Variants in MSTO1 observed in about 807,000 individuals in gnomAD.
MSTO1 encodes the protein protein misato homolog 1.
MSTO1 carries 24 observed loss-of-function variants against 55.7 expected under a neutral mutation model. The ratio of observed to expected loss-of-function variants is 0.43; its 90% CI spans 0.31 to 0.61. MSTO1 has a LOEUF of 0.61. MSTO1 is among the 20% of genes least tolerant of loss of function. MSTO1 has a pLI of 0.09. For missense variants in MSTO1, 363 were observed against 625.7 expected (o/e 0.58, Z 4.48); for synonymous variants, 162 against 252.8 (o/e 0.64, Z 3.41).
chr1:155,580,908 A>C, the MSTO1 span, among the ~76,000 whole-genome samples: 1 of 26,778 alleles, frequency 3.7e-5, no homozygotes, highest in South Asian at 1.3e-3. Context: ...ACTCTGTCTC[A>C]AAAAAAAAAA....
the MSTO1 span, among the ~76,000 whole-genome samples, chr1:155,604,288 C>G: frequency 0.053 from 8,097 of 152,156 alleles, 733 homozygotes; most frequent in African/African-American, 0.19. Context: ...ACTTTCTTTT[C>G]AAGCACATAA....
At chr1:155,565,389 T>G in the MSTO1 span, among the ~76,000 whole-genome samples, 1 of 152,094 alleles carries the variant, frequency 6.6e-6, no homozygotes. Context: ...ATTTGTGGAC[T>G]ACTGTGCCAG....
chr1:155,568,540 G>C, the MSTO1 span, among the ~76,000 whole-genome samples: 1 of 152,066 alleles, frequency 6.6e-6, no homozygotes, highest in African/African-American at 2.4e-5. Flanking sequence ...CCGGATTCAA[G>C]TGATTCTCCT....
At chr1:155,600,958 G>C in the MSTO1 span, among the ~76,000 whole-genome samples, 3 of 148,044 alleles carry the variant, frequency 2.0e-5, no homozygotes, top group Non-Finnish European at 4.5e-5. Context: ...TTACAGGTGT[G>C]AGCCACTGTG....
At chr1:155,603,147 T>C in the MSTO1 span, among the ~76,000 whole-genome samples, 3 of 151,926 alleles carry the variant, frequency 2.0e-5, no homozygotes, top group Admixed American at 1.3e-4. Context: ...GGCAGATCAC[T>C]TGAGGTCAGG....
At chr1:155,579,411 G>A in the MSTO1 span, among the ~76,000 whole-genome samples, 4 of 152,024 alleles carry the variant, frequency 2.6e-5, no homozygotes, top group East Asian at 1.9e-4. Flanking sequence ...ATGTTGCCTC[G>A]AACTACTGAA....
upstream of MSTO1, among the ~76,000 whole-genome samples, chr1:155,609,123 G>A (rs1184730603): frequency 1.4e-5 from 2 of 146,878 alleles, no homozygotes; most frequent in South Asian, 2.1e-4. Flanking sequence ...TACCGCACCC[G>A]GCCCTTGCCT....
the MSTO1 span, among the ~76,000 whole-genome samples, chr1:155,569,842 A>G: frequency 6.6e-6 from 1 of 152,054 alleles, no homozygotes; most frequent in African/African-American, 2.4e-5. Flanking sequence ...GAATATTTGT[A>G]TTATACCTAC....
chr1:155,590,876 C>T, the MSTO1 span: 1,702 of 1,611,468 alleles, frequency 1.1e-3, 28 homozygotes, highest in Non-Finnish European at 2.8e-4. Context: ...AGTGTCAGGA[C>T]CCCTGAGGTG....
the MSTO1 span, among the ~76,000 whole-genome samples, chr1:155,589,071 A>G: frequency 2.6e-5 from 4 of 152,094 alleles, no homozygotes; most frequent in Non-Finnish European, 4.4e-5. Flanking sequence ...GCCAAGGCGG[A>G]CAGATCACCT....
chr1:155,577,586 C>G, the MSTO1 span, among the ~76,000 whole-genome samples: 2 of 152,098 alleles, frequency 1.3e-5, no homozygotes, highest in Admixed American at 6.6e-5. Flanking sequence ...ATCAGTTGAC[C>G]ATGATGTAAG....
chr1:155,582,276 A>C, the MSTO1 span, among the ~76,000 whole-genome samples: 1 of 152,176 alleles, frequency 6.6e-6, no homozygotes, highest in Non-Finnish European at 1.5e-5. Context: ...TCTGCAGAGA[A>C]GTGTTCAAAT....
At chr1:155,563,296 T>A in the MSTO1 span, 1 of 456,026 alleles carries the variant, frequency 2.2e-6, no homozygotes, top group Admixed American at 2.4e-5. Flanking sequence ...TGTGTGCCGG[T>A]CGCCTAGTCA....
At chr1:155,567,674 G>T in the MSTO1 span, among the ~76,000 whole-genome samples, 1 of 151,846 alleles carries the variant, frequency 6.6e-6, no homozygotes, top group East Asian at 2.0e-4. Flanking sequence ...GGCCTTAGGT[G>T]ATCCACCCGT....
the MSTO1 span, among the ~76,000 whole-genome samples, chr1:155,580,789 T>G: frequency 6.6e-6 from 1 of 150,854 alleles, no homozygotes; most frequent in Non-Finnish European, 1.5e-5. Flanking sequence ...TGTGGTGGCA[T>G]GCATCTGTAC....
In MSTO1 at chr1:155,614,573, A is replaced by G. The variant is rs1675209974; in HGVS notation, c.*300A>G. ...TGGCAGAGCCCCTGGGTCCTACTCC[A>G]TCCTCCAGCCTTTGTCCTTGTCCTG... On this transcript the variant is annotated 3_prime_UTR_variant, in exon 14 of 14. Coordinates refer to ENST00000245564, the MANE Select transcript of MSTO1 (RefSeq NM_018116.4). 1.6e-6 allele frequency: 1 copy of G among 624,278 alleles called. No individual in the cohort carries two copies. The highest frequency in any genetic ancestry group is 1.8e-5 in the African/African-American group (1 of 54,294). The allele number at this position is 624,278 out of a possible 1,614,324, so 38.7% of individuals were successfully genotyped here. A position where few individuals can be genotyped will look rare whatever the true frequency, so the allele number is the denominator to read the frequency against.
chr1:155,578,507 C>CTTTT, the MSTO1 span, among the ~76,000 whole-genome samples: 4 of 99,528 alleles, frequency 4.0e-5, no homozygotes, highest in Non-Finnish European at 6.2e-5. Flanking sequence ...CCCGGCTAAT[C>CTTTT]TTTTTTTTTT....
At chr1:155,608,798 G>A (rs542879989), upstream of MSTO1, among the ~76,000 whole-genome samples, 180 of 151,362 alleles carry the variant, frequency 1.2e-3, no homozygotes, top group Non-Finnish European at 2.2e-3. Context: ...CGCGGCGCCC[G>A]GCCTTTTTTA....
the MSTO1 span, among the ~76,000 whole-genome samples, chr1:155,564,914 G>A: frequency 1.3e-5 from 2 of 152,104 alleles, no homozygotes; most frequent in Non-Finnish European, 2.9e-5. Context: ...GAGGTCACAA[G>A]TTCAAGACCA....
Sources: allele counts gnomAD v4.1 joint callset (sites outside exome capture counted in the v4.1 genomes callset), GRCh38; gene constraint gnomAD v4.1.1; transcripts MANE v1.5; gene names NCBI Gene and HGNC (gene_info 2026-07-23, HGNC 2026-07-21).